Variants in TRHDE observed in about 807,000 individuals in gnomAD.
The protein encoded by TRHDE is thyrotropin-releasing hormone-degrading ectoenzyme.
Under a neutral mutation model 125.7 loss-of-function variants are expected in TRHDE, and 72 were observed. The observed-to-expected ratio is 0.57, with a 90% CI of 0.47 to 0.70. The LOEUF (loss-of-function observed/expected upper bound fraction) is 0.70. Among genes scored for constraint, TRHDE ranks in the 30% least tolerant of loss-of-function variants. The pLI, the probability that TRHDE is intolerant of heterozygous loss-of-function variation, is 0.00. For synonymous variants in TRHDE, 509 were observed against 509.1 expected (o/e 1.00, Z 0.00); for missense variants, 1,110 against 1,327.1 (o/e 0.84, Z 2.54).
At chr12:72,157,931 A>G (rs888905471) in intron 2 of TRHDE, among the ~76,000 whole-genome samples, 3 of 152,162 alleles carry the variant, frequency 2.0e-5, no homozygotes, top group Non-Finnish European at 2.9e-5. Flanking sequence ...TCAGATGGGA[A>G]AAGGCAAGAG....
intron 1 of TRHDE, chr12:72,274,599 A>C (rs1445889070): frequency 6.6e-6 from 1 of 152,230 alleles, no homozygotes; most frequent in Non-Finnish European, 1.5e-5. Flanking sequence ...AGACGCTATT[A>C]TCAGCATTCC....
intron 2 of TRHDE, among the ~76,000 whole-genome samples, chr12:72,136,925 T>C (rs1383713902): frequency 6.6e-6 from 1 of 152,208 alleles, no homozygotes; most frequent in Non-Finnish European, 1.5e-5. Context: ...AAGAAAACAT[T>C]GTGATGCTTG....
intron 3 of TRHDE, among the ~76,000 whole-genome samples, chr12:72,461,909 T>A (rs1876143228): frequency 6.6e-6 from 1 of 152,208 alleles, no homozygotes; most frequent in East Asian, 1.9e-4. Flanking sequence ...ACATTTATCA[T>A]GCTTACTATG....
chr12:72,646,585 G>C (rs539809890), intron 15 of TRHDE, among the ~76,000 whole-genome samples: 18 of 152,158 alleles, frequency 1.2e-4, no homozygotes, highest in African/African-American at 4.1e-4. Context: ...GTGTTGGTAA[G>C]AGTCTCACTT....
At chr12:72,512,444 A>AACTAT (rs1565772051) in intron 6 of TRHDE, among the ~76,000 whole-genome samples, 1 of 139,686 alleles carries the variant, frequency 7.2e-6, no homozygotes, top group African/African-American at 2.6e-5. Flanking sequence ...AATATGTTAT[A>AACTAT]ATTATATAAT....
intron 2 of TRHDE, among the ~76,000 whole-genome samples, chr12:72,335,934 T>C (rs1030448452): frequency 5.9e-5 from 9 of 152,158 alleles, no homozygotes; most frequent in African/African-American, 1.9e-4. Flanking sequence ...AGTGAGCAAG[T>C]TGGATAATAC....
At chr12:72,655,997 A>G (rs1005743788) in intron 17 of TRHDE, among the ~76,000 whole-genome samples, 28 of 152,298 alleles carry the variant, frequency 1.8e-4, no homozygotes, top group Admixed American at 5.2e-4. Context: ...GATGCTTAAG[A>G]GCCTACAAGT....
rs891940553 is a variant in TRHDE, at chr12:72,669,763, T to G, written c.*6568T>G. The G allele has an allele frequency of 2.0e-5, 3 of 151,932 alleles. No homozygotes were observed. Among genetic ancestry groups the G allele is most frequent in the Admixed American group, 6.6e-5 (1 of 15,204 alleles). The allele number at this position is 151,932 out of a possible 1,614,324, so 9.4% of individuals were successfully genotyped here. A position where few individuals can be genotyped will look rare whatever the true frequency, so the allele number is the denominator to read the frequency against. ...AGTGAATTTTTCCTCAAATGTTGTA[T>G]TCTACCTTTCAAAATATTGTGTAAC... On this transcript the variant is annotated 3_prime_UTR_variant, in exon 19 of 19. Coordinates refer to ENST00000261180, the MANE Select transcript of TRHDE (RefSeq NM_013381.3).
intron 3 of TRHDE, among the ~76,000 whole-genome samples, chr12:72,454,450 T>C (rs369800696): frequency 5.9e-5 from 9 of 152,162 alleles, no homozygotes; most frequent in East Asian, 1.9e-4. Flanking sequence ...AGAAAGGCAG[T>C]GCTATTATGA....
chr12:72,320,549 G>GTGTA (rs1869038221), intron 2 of TRHDE, among the ~76,000 whole-genome samples: 1 of 150,350 alleles, frequency 6.7e-6, no homozygotes, highest in South Asian at 2.1e-4. Flanking sequence ...TTGACTGTGT[G>GTGTA]TGTGTGTGTG....
intron 2 of TRHDE, among the ~76,000 whole-genome samples, chr12:72,138,103 G>A (rs574384101): frequency 6.6e-6 from 1 of 152,306 alleles, no homozygotes; most frequent in South Asian, 2.1e-4. Flanking sequence ...CAGGCCAGGA[G>A]TGGTGGCTCA....
intron 3 of TRHDE, among the ~76,000 whole-genome samples, chr12:72,425,052 A>G (rs542461030): frequency 3.5e-4 from 54 of 152,274 alleles, no homozygotes; most frequent in Non-Finnish European, 2.9e-5. Context: ...GAAAAATGAA[A>G]GCAATATTGG....
chr12:72,620,310 C>T (rs1872991660), intron 13 of TRHDE, among the ~76,000 whole-genome samples: 1 of 134,774 alleles, frequency 7.4e-6, no homozygotes, highest in African/African-American at 3.0e-5. Flanking sequence ...GAGAGCCAAC[C>T]TGGGCAACAT....
rs551382823 is a variant in TRHDE, at chr12:72,236,583, T to A, written n.279+130831T>A. On this transcript the variant is annotated intron_variant and non_coding_transcript_variant, in intron 2 of 4. Coordinates refer to the TRHDE transcript ENST00000548156. ...AGTACTTTTTGTGTCAAAAACATAT[T>A]ATGCCATAGCATAAATCATTGCTTC... 1.4e-4 allele frequency among the ~76,000 whole-genome samples: 21 copies of A among 151,894 alleles called. No individual in the cohort carries two copies. In the South Asian group the frequency reaches 3.7e-3, roughly 27 times the overall value.
chr12:72,506,538 C>T (rs923498680), intron 6 of TRHDE, among the ~76,000 whole-genome samples: 1 of 152,124 alleles, frequency 6.6e-6, no homozygotes, highest in East Asian at 1.9e-4. Flanking sequence ...ACTCATTTTA[C>T]TGACGAGAAA....
At chr12:72,421,221 A>G (rs753048407) in intron 3 of TRHDE, among the ~76,000 whole-genome samples, 2 of 152,162 alleles carry the variant, frequency 1.3e-5, no homozygotes, top group Admixed American at 6.5e-5. Context: ...TGTTACACTC[A>G]TGAGTGTGTC....
intron 3 of TRHDE, among the ~76,000 whole-genome samples, chr12:72,463,985 C>T (rs1876247881): frequency 6.6e-6 from 1 of 152,132 alleles, no homozygotes; most frequent in South Asian, 2.1e-4. Flanking sequence ...GGCAATGGGC[C>T]ATTTTATTTT....
intron 1 of TRHDE, among the ~76,000 whole-genome samples, chr12:72,278,177 T>C (rs763135500): frequency 3.9e-5 from 6 of 152,182 alleles, no homozygotes; most frequent in Non-Finnish European, 8.8e-5. Flanking sequence ...TTCCACATAT[T>C]ACTGAGATCA....
At chr12:72,385,719 C>T (rs1037760473) in intron 3 of TRHDE, among the ~76,000 whole-genome samples, 3 of 151,968 alleles carry the variant, frequency 2.0e-5, no homozygotes, top group Non-Finnish European at 4.4e-5. Flanking sequence ...TTTAACTGTT[C>T]TTGTTAAGCT....
Sources: allele counts gnomAD v4.1 joint callset (sites outside exome capture counted in the v4.1 genomes callset), GRCh38; gene constraint gnomAD v4.1.1; transcripts MANE v1.5; gene names NCBI Gene and HGNC (gene_info 2026-07-23, HGNC 2026-07-21).